Variants in GRID1 observed in about 807,000 individuals in gnomAD.
The protein encoded by GRID1 is glutamate receptor ionotropic, delta-1.
Under a neutral mutation model 98.0 loss-of-function variants are expected in GRID1, and 28 were observed. The ratio of observed to expected loss-of-function variants is 0.29; its 90% CI spans 0.21 to 0.39. The LOEUF is 0.39. GRID1 is among the 10% of genes least tolerant of loss of function. GRID1 has a pLI of 1.00. For missense variants in GRID1, 1,111 were observed against 1,340.5 expected, an observed-to-expected ratio of 0.83 and a Z score of 2.67; for synonymous variants, 553 against 538.5, an observed-to-expected ratio of 1.03 and a Z score of -0.37.
intron 5 of GRID1, among the ~76,000 whole-genome samples, chr10:85,901,541 T>G (rs574943047): frequency 7.9e-5 from 12 of 152,370 alleles, no homozygotes; most frequent in African/African-American, 2.9e-4. Context: ...GCGTGCTTGC[T>G]GTCTGCCTGA....
At chr10:85,919,989 G>A (rs1208021001) in intron 4 of GRID1, among the ~76,000 whole-genome samples, 4 of 152,026 alleles carry the variant, frequency 2.6e-5, no homozygotes, top group South Asian at 4.2e-4. Context: ...TGGCACTCAC[G>A]GTGCCTTGGA....
At chr10:85,749,296 C>T (rs1842025004) in intron 8 of GRID1, among the ~76,000 whole-genome samples, 1 of 152,140 alleles carries the variant, frequency 6.6e-6, no homozygotes, top group African/African-American at 2.4e-5. Flanking sequence ...CCTTCCATCT[C>T]TTCTTTAGTG....
At chr10:85,764,055 A>T (rs1452750848) in intron 8 of GRID1, among the ~76,000 whole-genome samples, 1 of 152,194 alleles carries the variant, frequency 6.6e-6, no homozygotes, top group Non-Finnish European at 1.5e-5. Flanking sequence ...TAAAAGCCAA[A>T]GAGATGCGTT....
At chr10:86,003,536 C>T (rs1397358942) in intron 4 of GRID1, among the ~76,000 whole-genome samples, 1 of 152,226 alleles carries the variant, frequency 6.6e-6, no homozygotes, top group Admixed American at 6.5e-5. Flanking sequence ...CTGCCAAGGC[C>T]ACCAGCAGCC....
At chr10:86,048,390 T>C (rs1376320764) in intron 4 of GRID1, among the ~76,000 whole-genome samples, 1 of 152,106 alleles carries the variant, frequency 6.6e-6, no homozygotes, top group African/African-American at 2.4e-5. Flanking sequence ...CTTCAAAACC[T>C]TACAGAGGCC....
chr10:85,651,598 C>A (rs1843272085), intron 12 of GRID1, among the ~76,000 whole-genome samples: 1 of 152,172 alleles, frequency 6.6e-6, no homozygotes, highest in African/African-American at 2.4e-5. Flanking sequence ...CATAGAGACA[C>A]CAAAACTCCT....
intron 4 of GRID1, among the ~76,000 whole-genome samples, chr10:86,075,105 T>C (rs1252706595): frequency 6.8e-6 from 1 of 147,016 alleles, no homozygotes; most frequent in Non-Finnish European, 1.5e-5. Context: ...TCACCCACCA[T>C]GGTCCCCGCG....
rs534009772 is a variant in GRID1, at chr10:85,782,870, T to G, written c.1234-53256A>C. 5.3e-5 allele frequency among the ~76,000 whole-genome samples: 8 copies of G among 152,318 alleles called. No individual in the cohort carries two copies. In the East Asian group the frequency reaches 9.7e-4, roughly 18 times the overall value. On this transcript the variant is annotated intron_variant, in intron 8 of 15. Coordinates refer to ENST00000327946, the MANE Select transcript of GRID1 (RefSeq NM_017551.3). ...CTAAATCTTCTTCCAGGAGGAATTT[T>G]GGGCAGCTGACCCAGTTAATTGCAA...
chr10:86,313,256 A>G (rs1048208624), intron 2 of GRID1, among the ~76,000 whole-genome samples: 3 of 152,238 alleles, frequency 2.0e-5, no homozygotes, highest in African/African-American at 7.2e-5. Context: ...ATCATTACCC[A>G]GCACTAACCA....
intron 3 of GRID1, among the ~76,000 whole-genome samples, chr10:86,196,584 G>A (rs12412447): frequency 0.087 from 13,193 of 152,112 alleles, 720 homozygotes; most frequent in Middle Eastern, 0.16. Flanking sequence ...CACAAGCCAG[G>A]CTCACCCACC....
chr10:86,314,834 T>A (rs1002681508), intron 2 of GRID1, among the ~76,000 whole-genome samples: 1 of 152,160 alleles, frequency 6.6e-6, no homozygotes. Context: ...TGAGACCTAC[T>A]GCAGGAGCAT....
At position 85,916,427 on chromosome 10, in the gene GRID1, G is replaced by T. The variant is rs1260538815; in HGVS notation, c.727-188C>A. On this transcript the variant is annotated intron_variant, in intron 4 of 15. Transcript: ENST00000327946. The surrounding 1 kb of genome is among the most constrained non-coding windows in gnomAD (Gnocchi z 4.0). ...AAGCTTCATCTGAACACAGACATCTGATTTCCTGCTCTCCCTCCACGCACT... is the reference window on the plus strand; with the variant it reads ...AAGCTTCATCTGAACACAGACATCTTATTTCCTGCTCTCCCTCCACGCACT... Among the ~76,000 whole-genome samples, 2 of 152,038 alleles carry T rather than the reference G, an allele frequency of 1.3e-5. No homozygotes were observed. The highest frequency in any genetic ancestry group is 2.9e-5 in the Non-Finnish European group (2 of 68,014).
intron 2 of GRID1, among the ~76,000 whole-genome samples, chr10:86,279,606 T>C (rs1035110097): frequency 3.3e-5 from 5 of 152,248 alleles, no homozygotes; most frequent in South Asian, 2.1e-4. Flanking sequence ...AACTTCTTGA[T>C]TTGATAAAGA....
chr10:85,858,650 C>T (rs1411451928), intron 6 of GRID1, among the ~76,000 whole-genome samples: 4 of 152,130 alleles, frequency 2.6e-5, no homozygotes, highest in Admixed American at 2.6e-4. Flanking sequence ...TTTCTTTTCC[C>T]AAGAGAATAA....
chr10:86,331,694 C>A (rs1848144815), intron 2 of GRID1, among the ~76,000 whole-genome samples: 1 of 152,222 alleles, frequency 6.6e-6, no homozygotes, highest in African/African-American at 2.4e-5. Flanking sequence ...TCAGCAGTCA[C>A]TTCTATCCCA....
chr10:86,027,598 T>C (rs960813572), intron 4 of GRID1, among the ~76,000 whole-genome samples: 32 of 152,164 alleles, frequency 2.1e-4, no homozygotes, highest in African/African-American at 7.7e-4. Flanking sequence ...TTAGTTCCAG[T>C]TTTTCAGGTG....
At chr10:85,712,030 C>G (rs559369860) in intron 12 of GRID1, among the ~76,000 whole-genome samples, 1 of 151,508 alleles carries the variant, frequency 6.6e-6, no homozygotes, top group East Asian at 1.9e-4. Flanking sequence ...ATATATATAT[C>G]AAGGGAGTTA....
intron 8 of GRID1, among the ~76,000 whole-genome samples, chr10:85,851,543 C>A (rs529379749): frequency 3.9e-5 from 6 of 152,328 alleles, no homozygotes; most frequent in Admixed American, 2.0e-4. Flanking sequence ...TCTAAAATGT[C>A]TGGGTGACTC....
chr10:86,310,253 G>A (rs1005494723), intron 2 of GRID1, among the ~76,000 whole-genome samples: 1 of 152,180 alleles, frequency 6.6e-6, no homozygotes, highest in African/African-American at 2.4e-5. Flanking sequence ...GGGTCTCATG[G>A]TGAACAGACA....
Sources: gnomAD v4.1 joint callset for allele counts (sites outside exome capture counted in the v4.1 genomes callset) on GRCh38, gnomAD v4.1.1 for gene constraint, Gnocchi (gnomAD v3.1) non-coding constraint, MANE v1.5 for transcripts, NCBI Gene and HGNC (gene_info 2026-07-23, HGNC 2026-07-21) for gene names.